Variants in COL10A1 observed in about 807,000 individuals in gnomAD.
COL10A1 encodes collagen type X alpha 1 chain.
A neutral mutation model predicts 18.2 loss-of-function variants in COL10A1; 10 were observed. The observed-to-expected ratio is 0.55, with a 90% CI of 0.34 to 0.93. The LOEUF (loss-of-function observed/expected upper bound fraction) is 0.93. COL10A1 is among the 40% of genes least tolerant of loss of function. COL10A1 has a pLI of 0.02. For missense variants in COL10A1, 897 were observed against 853.5 expected, an observed-to-expected ratio of 1.05 and a Z score of -0.64; for synonymous variants, 330 against 316.6, an observed-to-expected ratio of 1.04 and a Z score of -0.45.
At chr6:116,139,264 C>T (rs1779704218) in intron 1 of COL10A1, among the ~76,000 whole-genome samples, 2 of 152,054 alleles carry the variant, frequency 1.3e-5, no homozygotes, top group Non-Finnish European at 2.9e-5. Flanking sequence ...CTACTAGTAA[C>T]AATTTGTGGG....
the COL10A1 span, among the ~76,000 whole-genome samples, chr6:116,205,021 T>C: frequency 6.6e-6 from 1 of 151,994 alleles, no homozygotes; most frequent in Non-Finnish European, 1.5e-5. Context: ...GAACTACATA[T>C]GTGTGTATGC....
intron 1 of COL10A1, among the ~76,000 whole-genome samples, chr6:116,136,293 A>G (rs369178875): frequency 6.6e-6 from 1 of 152,158 alleles, no homozygotes; most frequent in East Asian, 1.9e-4. Flanking sequence ...GCTGAATAAT[A>G]TTACATGTTG....
At chr6:116,191,346 A>G in the COL10A1 span, among the ~76,000 whole-genome samples, 1 of 151,984 alleles carries the variant, frequency 6.6e-6, no homozygotes, top group Non-Finnish European at 1.5e-5. Flanking sequence ...ACAAACAAAC[A>G]AAAGAAACCC....
At chr6:116,131,213 C>T (rs1779453450) in intron 1 of COL10A1, among the ~76,000 whole-genome samples, 1 of 152,122 alleles carries the variant, frequency 6.6e-6, no homozygotes, top group Non-Finnish European at 1.5e-5. Flanking sequence ...TGAACATTCA[C>T]CAAGAGCCAA....
At chr6:116,209,063 A>G in the COL10A1 span, among the ~76,000 whole-genome samples, 2 of 152,022 alleles carry the variant, frequency 1.3e-5, no homozygotes, top group Non-Finnish European at 2.9e-5. Flanking sequence ...TCTTAAATTG[A>G]TGATTTTATT....
intron 1 of COL10A1, among the ~76,000 whole-genome samples, chr6:116,134,104 A>G (rs998605680): frequency 6.6e-6 from 1 of 152,218 alleles, no homozygotes; most frequent in Non-Finnish European, 1.5e-5. Flanking sequence ...GAAATGACAC[A>G]TAAGTGGCAA....
At chr6:116,142,493 A>C (rs987579124) in intron 1 of COL10A1, among the ~76,000 whole-genome samples, 2 of 152,200 alleles carry the variant, frequency 1.3e-5, no homozygotes, top group African/African-American at 4.8e-5. Flanking sequence ...ATGAATTTAT[A>C]AACTTACTTC....
At position 116,123,568 on chromosome 6, in the gene COL10A1, C is replaced by CT. The variant is rs570582659; in HGVS notation, c.155-1608dup. ...TAATTTAGTATGTTTTGACAGAACT[C>CT]TTTTTTAACCTGTGTTGGATGGATA... On this transcript the variant is annotated intron_variant, in intron 2 of 2. Transcript: ENST00000651968. 5.6e-4 allele frequency among the ~76,000 whole-genome samples: 85 copies of CT among 152,296 alleles called. 1 individual carries two copies. The highest frequency in any genetic ancestry group is 5.6e-4 in the Non-Finnish European group (38 of 68,018).
chr6:116,184,499 A>G, the COL10A1 span, among the ~76,000 whole-genome samples: 18 of 152,078 alleles, frequency 1.2e-4, no homozygotes, highest in African/African-American at 1.7e-4. Flanking sequence ...GCATTCAGCT[A>G]TGAATCCGTC....
upstream of COL10A1, among the ~76,000 whole-genome samples, chr6:116,160,577 T>C (rs960231175): frequency 6.6e-6 from 1 of 152,236 alleles, no homozygotes; most frequent in African/African-American, 2.4e-5. Context: ...ATATTGTCTA[T>C]TTGCTGTGTT....
chr6:116,204,332 A>G, the COL10A1 span, among the ~76,000 whole-genome samples: 2 of 151,992 alleles, frequency 1.3e-5, no homozygotes, highest in African/African-American at 4.8e-5. Flanking sequence ...TAGAAATGTA[A>G]AAGGGATGAG....
At chr6:116,201,188 C>G in the COL10A1 span, among the ~76,000 whole-genome samples, 1 of 151,870 alleles carries the variant, frequency 6.6e-6, no homozygotes, top group African/African-American at 2.4e-5. Flanking sequence ...CTTGGAGGGA[C>G]AATACATGAG....
chr6:116,132,279 T>A (rs1452735557), intron 1 of COL10A1, among the ~76,000 whole-genome samples: 1 of 152,166 alleles, frequency 6.6e-6, no homozygotes, highest in Non-Finnish European at 1.5e-5. Flanking sequence ...ACCTTAGAGG[T>A]GAAAATTGGA....
the COL10A1 span, among the ~76,000 whole-genome samples, chr6:116,175,291 G>GT: frequency 6.6e-6 from 1 of 152,060 alleles, no homozygotes; most frequent in Non-Finnish European, 1.5e-5. Context: ...CTATAGGTTA[G>GT]TTTTAGAAAG....
At chr6:116,135,224 G>A (rs1779559199) in intron 1 of COL10A1, among the ~76,000 whole-genome samples, 1 of 152,086 alleles carries the variant, frequency 6.6e-6, no homozygotes, top group Admixed American at 6.6e-5. Context: ...GACCCTTAAA[G>A]GGGGAAGATG....
chr6:116,121,841 C>T lies in COL10A1; in HGVS notation c.275G>A (p.Gly92Glu), dbSNP rs761767424. Reference sequence around the variant, plus strand: ...CGGTGGTCCTGGCAACCCTGGCTCTCCTTGGAGTCCAGGACTTCCGTAGCC... The same window carrying T: ...CGGTGGTCCTGGCAACCCTGGCTCTTCTTGGAGTCCAGGACTTCCGTAGCC... ...KPGYGSPGLQGEPGLPGPPGP... is the reference protein window; with the variant it reads ...KPGYGSPGLQEEPGLPGPPGP... The change falls in exon 3 of 3, where the codon GGA becomes GAA. Residue 92 changes from glycine to glutamate, a missense_variant. By Grantham distance (98) the Gly-to-Glu change is moderately conservative (BLOSUM62 -2). Coordinates refer to ENST00000651968, the MANE Select transcript of COL10A1 (RefSeq NM_000493.4). 2 of 1,613,950 alleles carry T rather than the reference C, an allele frequency of 1.2e-6. No homozygotes were observed. Among genetic ancestry groups the T allele is most frequent in the Non-Finnish European group, 1.7e-6 (2 of 1,179,960 alleles).
chr6:116,209,829 T>C, the COL10A1 span, among the ~76,000 whole-genome samples: 56 of 152,130 alleles, frequency 3.7e-4, no homozygotes, highest in Admixed American at 1.2e-3. Context: ...CCAATAATTA[T>C]ATAGCTAAAC....
chr6:116,131,322 C>A (rs1779458020), intron 1 of COL10A1, among the ~76,000 whole-genome samples: 1 of 152,056 alleles, frequency 6.6e-6, no homozygotes, highest in East Asian at 1.9e-4. Flanking sequence ...ACCTATCCAC[C>A]CTGTGTTTCA....
chr6:116,162,399 G>T (rs1159649760), upstream of COL10A1, among the ~76,000 whole-genome samples: 1 of 152,102 alleles, frequency 6.6e-6, no homozygotes, highest in East Asian at 1.9e-4. Flanking sequence ...TAAGTATGAT[G>T]TTGGCTGTGG....
Sources: gnomAD v4.1 joint callset for allele counts (sites outside exome capture counted in the v4.1 genomes callset) on GRCh38, gnomAD v4.1.1 for gene constraint, MANE v1.5 for transcripts, NCBI Gene and HGNC (gene_info 2026-07-23, HGNC 2026-07-21) for gene names.